Variants in UQCRH observed in about 807,000 individuals in gnomAD.
UQCRH encodes cytochrome b-c1 complex subunit 6, mitochondrial.
In UQCRH, 14 loss-of-function variants were observed where a neutral mutation model predicts 16.3. The observed-to-expected ratio is 0.86, with a 90% confidence interval of 0.57 to 1.34. The LOEUF is 1.34. Among genes scored for constraint, UQCRH ranks in the 40% most tolerant of loss-of-function variants. UQCRH has a pLI of 0.00. For missense variants in UQCRH, 89 were observed against 111.9 expected (o/e 0.80, Z 0.92); for synonymous variants, 41 against 41.9 (o/e 0.98, Z 0.08).
chr1:46,316,123 G>C (rs1288912072), intron 3 of UQCRH, among the ~76,000 whole-genome samples: 1 of 151,998 alleles, frequency 6.6e-6, no homozygotes, highest in Non-Finnish European at 1.5e-5. Flanking sequence ...CCTTATTTAT[G>C]TGTTCATTTT....
At chr1:46,314,687 A>AG (rs1569698819) in intron 3 of UQCRH, among the ~76,000 whole-genome samples, 1 of 152,070 alleles carries the variant, frequency 6.6e-6, no homozygotes, top group East Asian at 1.9e-4. Flanking sequence ...AAAAAAAAAA[A>AG]AAAGGAGGGA....
chr1:46,311,722 A>AGCTGGGACCGCAG (rs958867539), intron 3 of UQCRH, among the ~76,000 whole-genome samples: 5 of 145,672 alleles, frequency 3.4e-5, no homozygotes, highest in Non-Finnish European at 6.0e-5. Flanking sequence ...CCTCCCGAGT[A>AGCTGGGACCGCAG]GCTGGGACCG....
At chr1:46,315,773 A>G (rs1369099237) in intron 3 of UQCRH, among the ~76,000 whole-genome samples, 1 of 152,202 alleles carries the variant, frequency 6.6e-6, no homozygotes, top group Non-Finnish European at 1.5e-5. Context: ...AGTAAAAAAT[A>G]TCGTATGATA....
intron 2 of UQCRH, chr1:46,309,651 C>T (rs1661431942): frequency 5.5e-6 from 1 of 183,286 alleles, no homozygotes; most frequent in Admixed American, 6.0e-5. Flanking sequence ...GCCTGGGCAA[C>T]AAGAGCAAAA....
chr1:46,309,214 A>C, intron 2 of UQCRH, 87 bp downstream of exon 2: 1 of 1,447,952 alleles, frequency 6.9e-7, no homozygotes, highest in South Asian at 1.2e-5. Flanking sequence ...AGGAGTTTTT[A>C]CTTGATACCT....
intron 3 of UQCRH, among the ~76,000 whole-genome samples, chr1:46,314,584 A>G (rs900904135): frequency 5.3e-5 from 8 of 151,832 alleles, no homozygotes; most frequent in African/African-American, 1.9e-4. Context: ...GAGACAGGAG[A>G]ATTGCTTGAA....
At chr1:46,311,084 A>AT (rs1385611356) in intron 3 of UQCRH, among the ~76,000 whole-genome samples, 19 of 149,156 alleles carry the variant, frequency 1.3e-4, no homozygotes, top group Non-Finnish European at 2.2e-4. Context: ...CAAAAAAAAA[A>AT]AAAAATAATA....
In UQCRH at chr1:46,316,261, A is replaced by C. The variant is rs905556403; in HGVS notation, c.244-291A>C. 2.6e-5 allele frequency among the ~76,000 whole-genome samples: 4 copies of C among 152,326 alleles called. No individual in the cohort carries two copies. The East Asian group carries it at 7.7e-4, about 29-fold the overall frequency. ...TGAATTAATATGTAATGTTAATGTC[A>C]CTGATGGGGAGGTACAAGTTTTTGT... On this transcript the variant is annotated intron_variant, in intron 3 of 3. Transcript: ENST00000311672.
intron 1 of UQCRH, among the ~76,000 whole-genome samples, chr1:46,308,580 T>C (rs138595817): frequency 1.3e-5 from 2 of 152,342 alleles, no homozygotes; most frequent in African/African-American, 4.8e-5. Flanking sequence ...CTAATGCCTA[T>C]AATCCCACCA....
chr1:46,307,985 G>A (rs1052416144), intron 1 of UQCRH, among the ~76,000 whole-genome samples: 2 of 152,208 alleles, frequency 1.3e-5, no homozygotes, highest in African/African-American at 4.8e-5. Context: ...CTGGCAGCTT[G>A]AATCTGTATC....
intron 3 of UQCRH, among the ~76,000 whole-genome samples, chr1:46,313,250 G>T (rs993004933): frequency 9.9e-5 from 15 of 152,176 alleles, no homozygotes; most frequent in Non-Finnish European, 1.6e-4. Flanking sequence ...GCAGAACTTT[G>T]CGAGGTCAAG....
At chr1:46,308,032 G>A (rs750723482) in intron 1 of UQCRH, among the ~76,000 whole-genome samples, 45 of 152,164 alleles carry the variant, frequency 3.0e-4, no homozygotes, top group Non-Finnish European at 5.7e-4. Flanking sequence ...TCTCTAAACT[G>A]GGATTACCTC....
intron 1 of UQCRH, among the ~76,000 whole-genome samples, chr1:46,305,695 G>A (rs1661360839): frequency 6.6e-6 from 1 of 152,124 alleles, no homozygotes; most frequent in East Asian, 1.9e-4. Context: ...AGCTTGCAGT[G>A]AGCCAAGGTC....
At chr1:46,308,307 T>C (rs953852412) in intron 1 of UQCRH, among the ~76,000 whole-genome samples, 1 of 152,146 alleles carries the variant, frequency 6.6e-6, no homozygotes, top group African/African-American at 2.4e-5. Context: ...TATGGGGAAG[T>C]GTCTGAGCTC....
At chr1:46,309,965 C>T (rs1661437699) in intron 2 of UQCRH, 190 bp from the exon 3 acceptor site, 4 of 1,462,626 alleles carry the variant, frequency 2.7e-6, no homozygotes, top group East Asian at 5.0e-5. Flanking sequence ...TTCCCTACTA[C>T]TTAGCATCAG....
chr1:46,308,495 G>A (rs1661412937), intron 1 of UQCRH, among the ~76,000 whole-genome samples: 1 of 152,122 alleles, frequency 6.6e-6, no homozygotes, highest in South Asian at 2.1e-4. Flanking sequence ...TTTGTCCCTG[G>A]GGTGATTTAG....
chr1:46,311,368 A>G (rs1417448412), intron 3 of UQCRH, among the ~76,000 whole-genome samples: 5 of 150,854 alleles, frequency 3.3e-5, no homozygotes, highest in African/African-American at 1.2e-4. Flanking sequence ...TCACGAGGTC[A>G]GGAGATTGAG....
intron 1 of UQCRH, among the ~76,000 whole-genome samples, chr1:46,304,416 C>T (rs945129641): frequency 1.3e-5 from 2 of 150,486 alleles, no homozygotes; most frequent in Non-Finnish European, 2.9e-5. Context: ...GATGGAATCT[C>T]GCTCTGTCGC....
rs76354290 is a variant in UQCRH at position 46,314,215 on chromosome 1, G to C, written c.244-2337G>C. Reference sequence around the variant, plus strand: ...TAAAACCCTGTCTCAAAATACAAAAGATTAGCCGGGCATGGTGGCGGGTGC... The same window carrying C: ...TAAAACCCTGTCTCAAAATACAAAACATTAGCCGGGCATGGTGGCGGGTGC... On this transcript the variant is annotated intron_variant, in intron 3 of 3. Coordinates refer to ENST00000311672, the MANE Select transcript of UQCRH (RefSeq NM_006004.4). 6.4e-4 allele frequency among the ~76,000 whole-genome samples: 97 copies of C among 151,868 alleles called. No homozygotes were observed. In the East Asian group the frequency reaches 0.018, roughly 28 times the overall value.
Sources: gnomAD v4.1 joint callset for allele counts (sites outside exome capture counted in the v4.1 genomes callset) on GRCh38, gnomAD v4.1.1 for gene constraint, MANE v1.5 for transcripts, NCBI Gene and HGNC (gene_info 2026-07-23, HGNC 2026-07-21) for gene names.